The following RBFOX1 variants were observed in gnomAD, a reference collection of about 807,000 sequenced individuals.
The protein encoded by RBFOX1 is RNA binding protein fox-1 homolog 1.
RBFOX1 carries 8 observed loss-of-function variants against 57.7 expected under a neutral mutation model. The ratio of observed to expected loss-of-function variants is 0.14; its 90% CI spans 0.08 to 0.25. RBFOX1 has a LOEUF of 0.25. Ranked by LOEUF, RBFOX1 falls within the 10% of genes least tolerant of loss-of-function variation. The probability of loss-of-function intolerance (pLI) is 1.00; values close to 1 mark genes in which losing one functional copy is unlikely to be tolerated. For missense variants in RBFOX1, 611 were observed against 548.5 expected (o/e 1.11, Z -1.14); for synonymous variants, 326 against 222.4 (o/e 1.47, Z -4.15).
At chr16:5,507,887 A>G (rs1190270936) in intron 2 of RBFOX1, among the ~76,000 whole-genome samples, 1 of 152,076 alleles carries the variant, frequency 6.6e-6, no homozygotes, top group Non-Finnish European at 1.5e-5. Flanking sequence ...GGCCCTGCTG[A>G]CACCTCCATC....
At chr16:7,347,406 G>A (rs763330852) in intron 4 of RBFOX1, among the ~76,000 whole-genome samples, 1 of 152,056 alleles carries the variant, frequency 6.6e-6, no homozygotes, top group Non-Finnish European at 1.5e-5. Flanking sequence ...AAATCATCAG[G>A]TTTCATGAGA....
chr16:6,121,899 T>C (rs182785739), intron 1 of RBFOX1, among the ~76,000 whole-genome samples: 1 of 152,260 alleles, frequency 6.6e-6, no homozygotes, highest in East Asian at 1.9e-4. Context: ...ATGACTCTTT[T>C]TGTTATTTTA....
intron 4 of RBFOX1, among the ~76,000 whole-genome samples, chr16:5,931,073 G>A (rs1399188695): frequency 6.6e-6 from 1 of 152,126 alleles, no homozygotes; most frequent in East Asian, 1.9e-4. Context: ...TTCAGGCTCA[G>A]TAGGACCAAA....
rs146501559 is a variant in RBFOX1, at chr16:6,813,676, T to C, written c.-16+159026T>C. On this transcript the variant is annotated intron_variant, in intron 3 of 15. Transcript: ENST00000550418. ...TTCCTTTTCATTTTGAATTTCTTTA[T>C]CACCTTTCCAAGTCCCATACTCTCT... Among the ~76,000 whole-genome samples, 195 of 152,300 alleles carry C rather than the reference T, an allele frequency of 1.3e-3. 1 individual carries two copies. Among genetic ancestry groups the C allele is most frequent in the Admixed American group, 9.4e-3 (144 of 15,308 alleles).
At chr16:6,195,338 G>C (rs547202059) in intron 1 of RBFOX1, among the ~76,000 whole-genome samples, 1 of 152,106 alleles carries the variant, frequency 6.6e-6, no homozygotes, top group Non-Finnish European at 1.5e-5. Flanking sequence ...CCCACCACAC[G>C]TTCCTTAAAA....
At chr16:6,914,842 C>T (rs28429907) in intron 3 of RBFOX1, among the ~76,000 whole-genome samples, 1,727 of 152,282 alleles carry the variant, frequency 0.011, 35 homozygotes, top group African/African-American at 0.038. Flanking sequence ...GAGCCAAGAT[C>T]GCAACATTGT....
intron 1 of RBFOX1, among the ~76,000 whole-genome samples, chr16:6,274,916 T>G (rs2075630332): frequency 6.6e-6 from 1 of 152,188 alleles, no homozygotes; most frequent in African/African-American, 2.4e-5. Flanking sequence ...AAGGAACCAG[T>G]TCTGTCTAGT....
At chr16:7,037,525 A>G (rs1171680320) in intron 3 of RBFOX1, among the ~76,000 whole-genome samples, 2 of 152,144 alleles carry the variant, frequency 1.3e-5, no homozygotes, top group African/African-American at 2.4e-5. Context: ...CGTCCAGTCC[A>G]CTGTCAACTT....
intron 3 of RBFOX1, among the ~76,000 whole-genome samples, chr16:5,822,224 G>A (rs2055881895): frequency 6.6e-6 from 1 of 152,150 alleles, no homozygotes; most frequent in African/African-American, 2.4e-5. Flanking sequence ...ATATGTGAGA[G>A]CTAAGCTATG....
At chr16:5,790,274 A>C (rs986476167) in intron 3 of RBFOX1, among the ~76,000 whole-genome samples, 4 of 152,210 alleles carry the variant, frequency 2.6e-5, no homozygotes, top group African/African-American at 4.8e-5. Flanking sequence ...AGTGGAGCCC[A>C]GTTGTGTAAC....
intron 3 of RBFOX1, among the ~76,000 whole-genome samples, chr16:5,807,764 A>G (rs1465010092): frequency 6.6e-6 from 1 of 152,120 alleles, no homozygotes; most frequent in Non-Finnish European, 1.5e-5. Context: ...ATCTTGTTAC[A>G]ATGCAGGCTC....
intron 3 of RBFOX1, among the ~76,000 whole-genome samples, chr16:5,807,497 A>G (rs1597332128): frequency 6.6e-6 from 1 of 152,322 alleles, no homozygotes; most frequent in East Asian, 1.9e-4. Flanking sequence ...ATTACTGAGC[A>G]CTTTTGCACA....
At position 5,616,599 on chromosome 16, in the gene RBFOX1, C is replaced by T. The variant is rs540639960; in HGVS notation, c.318+17638C>T. Among the ~76,000 whole-genome samples the T allele has an allele frequency of 4.0e-5, 6 of 149,078 alleles. No homozygotes were observed. In the South Asian group the frequency reaches 1.3e-3, roughly 33 times the overall value. On this transcript the variant is annotated intron_variant, in intron 3 of 19. Transcript: ENST00000641259. ...TCCCTTCTCCCTCTCCCTCCTCCTC[C>T]TCCTCTTCCCTCTCTCTTCTCTCTC...
chr16:6,987,900 T>G (rs1315550212), intron 3 of RBFOX1, among the ~76,000 whole-genome samples: 1 of 152,090 alleles, frequency 6.6e-6, no homozygotes, highest in Non-Finnish European at 1.5e-5. Flanking sequence ...GGGTCAGAAA[T>G]GAAATGTTTA....
At chr16:7,186,994 C>CAAAAAAAAAAAAAAAAAAAA (rs35177784) in intron 4 of RBFOX1, among the ~76,000 whole-genome samples, 27 of 69,258 alleles carry the variant, frequency 3.9e-4, no homozygotes, top group African/African-American at 1.7e-3. Context: ...CCCACCTCCA[C>CAAAAAAAAAAAAAAAAAAAA]AAAAAAAAAA....
At chr16:6,561,639 C>T (rs2097180533) in intron 2 of RBFOX1, among the ~76,000 whole-genome samples, 1 of 152,150 alleles carries the variant, frequency 6.6e-6, no homozygotes, top group Non-Finnish European at 1.5e-5. Flanking sequence ...TCTGTTCCTG[C>T]TATTCTTTTC....
intron 3 of RBFOX1, among the ~76,000 whole-genome samples, chr16:6,866,212 G>C (rs1023280513): frequency 6.6e-6 from 1 of 151,784 alleles, no homozygotes; most frequent in Non-Finnish European, 1.5e-5. Flanking sequence ...TATTACTTCA[G>C]TGTCTTCTCA....
At chr16:5,672,854 GGTGTGT>G (rs3035730) in intron 3 of RBFOX1, among the ~76,000 whole-genome samples, 19,088 of 149,570 alleles carry the variant, frequency 0.13, 2,298 homozygotes, top group African/African-American at 0.32. Context: ...CTTCACCGTA[GGTGTGT>G]GTGTGTGTGT....
chr16:6,598,881 A>C (rs943971119), intron 2 of RBFOX1, among the ~76,000 whole-genome samples: 1 of 152,148 alleles, frequency 6.6e-6, no homozygotes, highest in African/African-American at 2.4e-5. Context: ...AGGAGATGGA[A>C]GTTACAGTGA....
Sources: gnomAD v4.1 joint callset for allele counts (sites outside exome capture counted in the v4.1 genomes callset) on GRCh38, gnomAD v4.1.1 for gene constraint, MANE v1.5 for transcripts, NCBI Gene and HGNC (gene_info 2026-07-23, HGNC 2026-07-21) for gene names.